The following RTL4 variants were observed in gnomAD, a reference collection of about 807,000 sequenced individuals.
RTL4 encodes retrotransposon Gag like 4.
Under a neutral mutation model 5.3 loss-of-function variants are expected in RTL4, and 4 were observed. That is an observed-to-expected ratio of 0.75 (90% CI 0.37 to 1.72). The LOEUF (loss-of-function observed/expected upper bound fraction) is 1.72. Among genes scored for constraint, RTL4 ranks in the 40% most tolerant of loss-of-function variants. The probability of loss-of-function intolerance (pLI) is 0.04; values close to 1 mark genes in which losing one functional copy is unlikely to be tolerated. For missense variants in RTL4, 260 were observed against 227.1 expected, an observed-to-expected ratio of 1.14 and a Z score of -0.93; for synonymous variants, 98 against 87.3, an observed-to-expected ratio of 1.12 and a Z score of -0.68.
the RTL4 span, among the ~76,000 whole-genome samples, chrX:112,211,344 A>C: frequency 8.9e-6 from 1 of 112,267 alleles, no homozygotes; most frequent in Admixed American, 9.4e-5. Flanking sequence ...AGATGAGTGT[A>C]TTGACATATC....
At chrX:112,315,414 C>T in the RTL4 span, among the ~76,000 whole-genome samples, 2 of 111,440 alleles carry the variant, frequency 1.8e-5, no homozygotes, top group Non-Finnish European at 3.8e-5. Context: ...CCCACCTCTA[C>T]TCTCGACAAT....
chrX:112,242,160 T>G, the RTL4 span, among the ~76,000 whole-genome samples: 1 of 111,836 alleles, frequency 8.9e-6, no homozygotes, highest in African/African-American at 3.3e-5. Context: ...TTTTGCTTAG[T>G]ATTGTCTTGG....
the RTL4 span, among the ~76,000 whole-genome samples, chrX:112,251,963 C>G: frequency 7.2e-5 from 8 of 111,500 alleles, no homozygotes; most frequent in Non-Finnish European, 1.3e-4. Context: ...GAAATACACT[C>G]AAGCACGGAA....
chrX:112,436,273 G>T, the RTL4 span, among the ~76,000 whole-genome samples: 8 of 110,692 alleles, frequency 7.2e-5, no homozygotes, highest in African/African-American at 2.6e-4. Context: ...AACGAACTTT[G>T]TTTCATTTCT....
the RTL4 span, among the ~76,000 whole-genome samples, chrX:112,117,413 A>ACTATTTACCATAT: frequency 9.0e-6 from 1 of 110,644 alleles, no homozygotes; most frequent in African/African-American, 3.3e-5. Context: ...TGGTAAATAC[A>ACTATTTACCATAT]AAATTTCAAA....
chrX:112,186,434 G>A, the RTL4 span, among the ~76,000 whole-genome samples: 2 of 111,923 alleles, frequency 1.8e-5, no homozygotes, highest in Non-Finnish European at 3.8e-5. Flanking sequence ...TAAGTGCCAT[G>A]AGAGGAGAGA....
chrX:112,166,114 C>T, the RTL4 span, among the ~76,000 whole-genome samples: 4 of 111,871 alleles, frequency 3.6e-5, no homozygotes, highest in African/African-American at 9.7e-5. Flanking sequence ...TTAGCAATGG[C>T]GTAAGAATCC....
chrX:112,308,722 T>A, the RTL4 span, among the ~76,000 whole-genome samples: 22 of 111,764 alleles, frequency 2.0e-4, no homozygotes, highest in African/African-American at 7.1e-4. Context: ...TGGGCAACTG[T>A]TGTACATTGA....
chrX:112,110,793 T>C, the RTL4 span, among the ~76,000 whole-genome samples: 1 of 112,141 alleles, frequency 8.9e-6, no homozygotes, highest in Non-Finnish European at 1.9e-5. Flanking sequence ...AGTTTCCTTA[T>C]CACTTATTGA....
At chrX:112,110,312 T>C in the RTL4 span, among the ~76,000 whole-genome samples, 1 of 111,820 alleles carries the variant, frequency 8.9e-6, no homozygotes, top group Non-Finnish European at 1.9e-5. Flanking sequence ...TATTTGGGAT[T>C]GTAGAGTAAG....
chrX:112,360,914 C>A, the RTL4 span, among the ~76,000 whole-genome samples: 8 of 110,106 alleles, frequency 7.3e-5, no homozygotes, highest in Non-Finnish European at 1.5e-4. Context: ...TATTTATGGC[C>A]TAGGGAGGCA....
At chrX:112,251,024 A>C in the RTL4 span, among the ~76,000 whole-genome samples, 1 of 112,122 alleles carries the variant, frequency 8.9e-6, no homozygotes, top group African/African-American at 3.2e-5. Flanking sequence ...CCATGTATTG[A>C]GTGCTTACTA....
chrX:112,091,970 A>G, the RTL4 span, among the ~76,000 whole-genome samples: 2 of 111,460 alleles, frequency 1.8e-5, no homozygotes, highest in Non-Finnish European at 1.9e-5. Flanking sequence ...CCAATATATA[A>G]CATCTTTCTT....
At chrX:112,367,660 G>T in the RTL4 span, among the ~76,000 whole-genome samples, 1 of 111,847 alleles carries the variant, frequency 8.9e-6, no homozygotes, top group Non-Finnish European at 1.9e-5. Context: ...TCCACTATAT[G>T]CCAGGCACTG....
the RTL4 span, among the ~76,000 whole-genome samples, chrX:112,134,629 G>A: frequency 9.8e-5 from 11 of 111,955 alleles, no homozygotes; most frequent in South Asian, 4.1e-3. Flanking sequence ...TATTACATAT[G>A]TGTACACCCA....
chrX:112,289,499 C>G, the RTL4 span, among the ~76,000 whole-genome samples: 1 of 112,172 alleles, frequency 8.9e-6, no homozygotes, highest in Non-Finnish European at 1.9e-5. Flanking sequence ...GGAACCAGAT[C>G]AATCTGGATT....
the RTL4 span, among the ~76,000 whole-genome samples, chrX:112,439,259 G>A: frequency 9.0e-6 from 1 of 111,507 alleles, no homozygotes; most frequent in Non-Finnish European, 1.9e-5. Context: ...TGACAGTAAT[G>A]GCCAATTTTC....
chrX:112,087,474 AT>A, the RTL4 span, among the ~76,000 whole-genome samples: 1 of 110,669 alleles, frequency 9.0e-6, no homozygotes, highest in Non-Finnish European at 1.9e-5. Flanking sequence ...ATCATGTTTT[AT>A]AAAATCTATG....
the RTL4 span, among the ~76,000 whole-genome samples, chrX:112,102,030 A>G: frequency 9.0e-6 from 1 of 111,042 alleles, no homozygotes; most frequent in East Asian, 2.8e-4. Flanking sequence ...GTAAAAGAAT[A>G]TGTTTCTTTT....
Sources: allele counts gnomAD v4.1 joint callset (sites outside exome capture counted in the v4.1 genomes callset), GRCh38; gene constraint gnomAD v4.1.1; transcripts MANE v1.5; gene names NCBI Gene and HGNC (gene_info 2026-07-23, HGNC 2026-07-21).